CHRM3: variants seen among roughly 807,000 people sequenced by gnomAD.
The protein encoded by CHRM3 is cholinergic receptor muscarinic 3, also known as muscarinic acetylcholine receptor M3.
CHRM3 carries 11 observed loss-of-function variants against 41.8 expected under a neutral mutation model. The observed-to-expected ratio is 0.26, with a 90% CI of 0.17 to 0.44. CHRM3 has a LOEUF of 0.44. Among genes scored for constraint, CHRM3 ranks in the 20% least tolerant of loss-of-function variants. CHRM3 has a pLI of 1.00. For synonymous variants in CHRM3, 297 were observed against 301.4 expected (o/e 0.99, Z 0.15); for missense variants, 571 against 745.4 (o/e 0.77, Z 2.72).
At chr1:239,882,447 T>A (rs1677722566) in intron 6 of CHRM3, among the ~76,000 whole-genome samples, 2 of 152,240 alleles carry the variant, frequency 1.3e-5, no homozygotes, top group Admixed American at 1.3e-4. Flanking sequence ...ATATGTATTT[T>A]AATGTATTCT....
chr1:239,801,506 ATTCCT>A (rs1234949125), intron 5 of CHRM3, among the ~76,000 whole-genome samples: 1 of 152,146 alleles, frequency 6.6e-6, no homozygotes, highest in Non-Finnish European at 1.5e-5. Flanking sequence ...CTGGACAGTG[ATTCCT>A]TTATTGTTTC....
At chr1:239,472,710 C>A (rs1015941336) in intron 1 of CHRM3, among the ~76,000 whole-genome samples, 1 of 150,096 alleles carries the variant, frequency 6.7e-6, no homozygotes, top group Non-Finnish European at 1.5e-5. Context: ...GGACAACACC[C>A]ACTAGGGCCT....
chr1:239,387,536 G>A lies in CHRM3; in HGVS notation c.-521+309G>A, dbSNP rs1480058638. Among the ~76,000 whole-genome samples, 1 of 151,988 alleles carries A rather than the reference G, an allele frequency of 6.6e-6. No homozygotes were observed. Among genetic ancestry groups the A allele is most frequent in the African/African-American group, 2.4e-5 (1 of 41,398 alleles). The stretch of plus-strand genomic sequence containing the variant: ...GACGGGAATCATGCGAGCGGTGGCC[G>A]GGAGAGAGTCGGGGACGTCCCACCC... On this transcript the variant is annotated intron_variant, in intron 1 of 6. Coordinates refer to ENST00000676153, the MANE Select transcript of CHRM3 (RefSeq NM_001375978.1). The surrounding 1 kb of genome is among the most constrained non-coding windows in gnomAD (Gnocchi z 5.1).
intron 2 of CHRM3, among the ~76,000 whole-genome samples, chr1:239,493,681 A>G (rs1396520731): frequency 1.3e-5 from 2 of 152,214 alleles, no homozygotes; most frequent in Non-Finnish European, 2.9e-5. Flanking sequence ...CCTACTTGGA[A>G]CTACCTATAA....
chr1:239,559,823 T>C lies in CHRM3; in HGVS notation c.-313+14074T>C, dbSNP rs78790501. Among the ~76,000 whole-genome samples, 4 of 152,318 alleles carry C rather than the reference T, an allele frequency of 2.6e-5. No homozygotes were observed. In the East Asian group the frequency reaches 7.7e-4, roughly 29 times the overall value. On this transcript the variant is annotated intron_variant, in intron 3 of 6. Coordinates refer to ENST00000676153, the MANE Select transcript of CHRM3 (RefSeq NM_001375978.1). ...TAATGCCCTGTCCAGGATCTTACCCTTCTTGTTATCGCAGGACCCAATTCT... is the reference window on the plus strand; with the variant it reads ...TAATGCCCTGTCCAGGATCTTACCCCTCTTGTTATCGCAGGACCCAATTCT...
At chr1:239,492,315 C>T (rs557074347) in intron 1 of CHRM3, among the ~76,000 whole-genome samples, 1 of 152,270 alleles carries the variant, frequency 6.6e-6, no homozygotes, top group East Asian at 1.9e-4. Context: ...CCTTTCTTCC[C>T]ATAGTAGGTA....
intron 1 of CHRM3, among the ~76,000 whole-genome samples, chr1:239,471,718 G>A (rs144693487): frequency 3.9e-5 from 6 of 152,324 alleles, no homozygotes; most frequent in African/African-American, 1.4e-4. Flanking sequence ...AAGAGACCTA[G>A]GAATGAAGGC....
intron 5 of CHRM3, among the ~76,000 whole-genome samples, chr1:239,778,147 C>T (rs559825246): frequency 6.6e-6 from 1 of 152,240 alleles, no homozygotes; most frequent in East Asian, 1.9e-4. Context: ...GCTAGGTTGA[C>T]CTTTGACCAT....
chr1:239,394,737 T>C (rs1015207368), intron 1 of CHRM3, among the ~76,000 whole-genome samples: 4 of 152,184 alleles, frequency 2.6e-5, no homozygotes, highest in Admixed American at 2.6e-4. Flanking sequence ...CTAATTCTCA[T>C]TGTACTTATT....
chr1:239,513,870 C>A (rs1400337161), intron 2 of CHRM3, among the ~76,000 whole-genome samples: 1 of 152,122 alleles, frequency 6.6e-6, no homozygotes, highest in Non-Finnish European at 1.5e-5. Context: ...GTTGTCCCAG[C>A]ACCATTTGTT....
chr1:239,480,413 A>C (rs12117673), intron 1 of CHRM3, among the ~76,000 whole-genome samples: 23,139 of 152,188 alleles, frequency 0.15, 2,349 homozygotes, highest in Non-Finnish European at 0.2. Flanking sequence ...GCACATGAAC[A>C]GTATCTTATG....
rs200335768 is a variant in CHRM3, at chr1:239,908,528, C to T, written c.1077C>T (p.Ser359=). The change falls in exon 7 of 7, where the codon TCC becomes TCT. Residue 359 remains serine, a synonymous_variant. Coordinates refer to ENST00000676153, the MANE Select transcript of CHRM3 (RefSeq NM_001375978.1). The surrounding 1 kb of genome is among the most constrained non-coding windows in gnomAD (Gnocchi z 7.2). ...CCTCCGACGAGGAGGACATTGGCTC[C>T]GAGACGAGAGCCATCTACTCCATCG... ...SASSDEEDIG[S]ETRAIYSIVL... is the part of the protein sequence containing the mutation. 2.0e-5 allele frequency: 32 copies of T among 1,589,044 alleles called. No individual in the cohort carries two copies. The highest frequency in any genetic ancestry group is 1.6e-4 in the South Asian group (14 of 87,158).
intron 3 of CHRM3, among the ~76,000 whole-genome samples, chr1:239,593,517 C>G (rs1664436293): frequency 6.6e-6 from 1 of 151,854 alleles, no homozygotes; most frequent in Non-Finnish European, 1.5e-5. Context: ...TTTCATTTGT[C>G]TGAGATCAAT....
chr1:239,910,692 G>C lies in CHRM3; in HGVS notation c.*1468G>C, dbSNP rs1163443181. On this transcript the variant is annotated 3_prime_UTR_variant, in exon 7 of 7. Coordinates refer to ENST00000676153, the MANE Select transcript of CHRM3 (RefSeq NM_001375978.1). ...TGCCATCATTGTCGTTGTTGTTGCT[G>C]CTGTAGCTGTTGGGGTTTCTTTTCC... The C allele has an allele frequency of 6.0e-6, 1 of 166,200 alleles. No homozygotes were observed. Among genetic ancestry groups the C allele is most frequent in the Non-Finnish European group, 1.5e-5 (1 of 68,060 alleles). The allele number at this position is 166,200 out of a possible 1,614,324, so 10.3% of individuals were successfully genotyped here.
chr1:239,753,732 C>A (rs2148597768), intron 5 of CHRM3, among the ~76,000 whole-genome samples: 1 of 152,226 alleles, frequency 6.6e-6, no homozygotes, highest in East Asian at 1.9e-4. Flanking sequence ...ATGAGAGTGG[C>A]CTTGGCTGAA....
intron 3 of CHRM3, among the ~76,000 whole-genome samples, chr1:239,599,470 A>C: frequency 7.4e-6 from 1 of 134,366 alleles, no homozygotes. Flanking sequence ...AGGGTTTCCC[A>C]TTTTTCCCTT....
At chr1:239,567,835 T>C (rs1661492055) in intron 3 of CHRM3, among the ~76,000 whole-genome samples, 1 of 152,150 alleles carries the variant, frequency 6.6e-6, no homozygotes, top group South Asian at 2.1e-4. Context: ...TGTAGTAACA[T>C]AGAGACTGCT....
chr1:239,438,061 C>T (rs1037309033), intron 1 of CHRM3, among the ~76,000 whole-genome samples: 2 of 152,160 alleles, frequency 1.3e-5, no homozygotes, highest in African/African-American at 4.8e-5. Flanking sequence ...CTCTAAAGCT[C>T]AGCAATGACT....
intron 5 of CHRM3, among the ~76,000 whole-genome samples, chr1:239,786,609 C>T (rs950853319): frequency 6.6e-6 from 1 of 152,198 alleles, no homozygotes; most frequent in Non-Finnish European, 1.5e-5. Flanking sequence ...CAGGCAGGGA[C>T]AGAGCCTTGT....
Sources: allele counts gnomAD v4.1 joint callset (sites outside exome capture counted in the v4.1 genomes callset), GRCh38; gene constraint gnomAD v4.1.1; non-coding constraint Gnocchi (gnomAD v3.1); transcripts MANE v1.5; gene names NCBI Gene and HGNC (gene_info 2026-07-23, HGNC 2026-07-21).